ADARB2: variants seen among roughly 807,000 people sequenced by gnomAD.
The protein encoded by ADARB2 is inactive double-stranded RNA-specific editase B2.
In ADARB2, 25 loss-of-function variants were observed where a neutral mutation model predicts 62.2. The ratio of observed to expected loss-of-function variants is 0.40; its 90% CI spans 0.29 to 0.56. ADARB2 has a LOEUF of 0.56. ADARB2 is among the 20% of genes least tolerant of loss of function. ADARB2 has a pLI of 0.43. For synonymous variants in ADARB2, 572 were observed against 500.8 expected (o/e 1.14, Z -1.90); for missense variants, 1,071 against 1,077.4 (o/e 0.99, Z 0.08).
intron 3 of ADARB2, among the ~76,000 whole-genome samples, chr10:1,331,364 A>G (rs955281065): frequency 6.6e-6 from 1 of 152,270 alleles, no homozygotes; most frequent in African/African-American, 2.4e-5. Context: ...TGTTGGATGG[A>G]TCAGCTGACA....
chr10:1,195,668 A>G (rs1183599263), intron 8 of ADARB2, among the ~76,000 whole-genome samples: 1 of 152,110 alleles, frequency 6.6e-6, no homozygotes, highest in Non-Finnish European at 1.5e-5. Flanking sequence ...TTCTGAATCC[A>G]TGGAGAGGCT....
chr10:1,453,327 G>A (rs1309195838), intron 1 of ADARB2, among the ~76,000 whole-genome samples: 1 of 152,124 alleles, frequency 6.6e-6, no homozygotes, highest in Non-Finnish European at 1.5e-5. Context: ...TGTCACATCC[G>A]AGAAATTCAT....
chr10:1,556,002 C>T (rs900605196), intron 1 of ADARB2, among the ~76,000 whole-genome samples: 6 of 152,150 alleles, frequency 3.9e-5, no homozygotes, highest in Non-Finnish European at 8.8e-5. Flanking sequence ...AATGGGGAAA[C>T]ATTTGAACAT....
chr10:1,422,119 C>T (rs1365605474), intron 1 of ADARB2, among the ~76,000 whole-genome samples: 1 of 152,210 alleles, frequency 6.6e-6, no homozygotes, highest in Non-Finnish European at 1.5e-5. Flanking sequence ...ACAGACTTGG[C>T]TCTTAACTTC....
At chr10:1,731,847 T>C (rs1835237303) in intron 1 of ADARB2, among the ~76,000 whole-genome samples, 1 of 152,188 alleles carries the variant, frequency 6.6e-6, no homozygotes, top group Non-Finnish European at 1.5e-5. Flanking sequence ...AGGCTTTTCA[T>C]AGTTCACTTG....
At chr10:1,373,741 A>G (rs1204119349) in intron 2 of ADARB2, among the ~76,000 whole-genome samples, 41 of 151,818 alleles carry the variant, frequency 2.7e-4, no homozygotes, top group Non-Finnish European at 4.4e-5. Flanking sequence ...TCCCTGGAAA[A>G]TTCCTGATGT....
At chr10:1,563,004 C>T (rs982945314) in intron 1 of ADARB2, among the ~76,000 whole-genome samples, 3 of 152,188 alleles carry the variant, frequency 2.0e-5, no homozygotes, top group African/African-American at 7.2e-5. Context: ...CCCTGTGGCA[C>T]TGTCTGTGGT....
intron 3 of ADARB2, among the ~76,000 whole-genome samples, chr10:1,293,529 T>A (rs1162322825): frequency 6.6e-6 from 1 of 152,246 alleles, no homozygotes; most frequent in Non-Finnish European, 1.5e-5. Flanking sequence ...TTTTGCATTT[T>A]CAGGGCATTC....
chr10:1,677,394 T>C (rs1834479305), intron 1 of ADARB2, among the ~76,000 whole-genome samples: 1 of 152,182 alleles, frequency 6.6e-6, no homozygotes, highest in South Asian at 2.1e-4. Context: ...ATGCTGGTAC[T>C]GGGTGGGGCT....
chr10:1,483,184 C>T (rs746022954), intron 1 of ADARB2, among the ~76,000 whole-genome samples: 15 of 151,972 alleles, frequency 9.9e-5, no homozygotes, highest in Admixed American at 6.6e-5. Flanking sequence ...CTAAAAGTCC[C>T]GTAAGATTTA....
rs571854184 is a variant in ADARB2, at chr10:1,542,864, G to A, written c.101-163704C>T. ...ACAGCCGCCCAGACCCCACTCAGAT[G>A]TAGTTCAGACCCTGGATCACAGCCG... On this transcript the variant is annotated intron_variant, in intron 1 of 9. Coordinates refer to ENST00000381312, the MANE Select transcript of ADARB2 (RefSeq NM_018702.4). Among the ~76,000 whole-genome samples, 172 of 133,484 alleles carry A rather than the reference G, an allele frequency of 1.3e-3. 3 individuals are homozygous for A. The highest frequency in any genetic ancestry group is 1.9e-3 in the Non-Finnish European group (120 of 62,014). 87.6% of individuals were successfully genotyped at this position (133,484 alleles called of 152,430 possible). A position where few individuals can be genotyped will look rare whatever the true frequency, so the allele number is the denominator to read the frequency against.
chr10:1,510,110 C>CTCTTTTTCTTTCTTTCTT (rs1831908783), intron 1 of ADARB2, among the ~76,000 whole-genome samples: 1 of 106,184 alleles, frequency 9.4e-6, no homozygotes, highest in Admixed American at 1.1e-4. Context: ...CTTTCTTTCT[C>CTCTTTTTCTTTCTTTCTT]TCTTTCTTTC....
intron 3 of ADARB2, among the ~76,000 whole-genome samples, chr10:1,287,682 GTC>G (rs1831426246): frequency 6.6e-6 from 1 of 152,184 alleles, no homozygotes; most frequent in Non-Finnish European, 1.5e-5. Flanking sequence ...GAAATCATCA[GTC>G]TATTTTTGGT....
intron 2 of ADARB2, among the ~76,000 whole-genome samples, chr10:1,373,578 G>T (rs910310308): frequency 6.6e-6 from 1 of 152,268 alleles, no homozygotes. Flanking sequence ...ACTTTGTGTG[G>T]ATGTGTGTGT....
intron 4 of ADARB2, among the ~76,000 whole-genome samples, chr10:1,243,483 C>T (rs541974312): frequency 1.2e-4 from 18 of 149,212 alleles, no homozygotes; most frequent in South Asian, 1.2e-3. Flanking sequence ...TGGTCATGAG[C>T]GCTTCTCGCT....
chr10:1,554,156 G>T (rs1832668831), intron 1 of ADARB2, among the ~76,000 whole-genome samples: 1 of 152,188 alleles, frequency 6.6e-6, no homozygotes, highest in East Asian at 1.9e-4. Context: ...CTGCAGGGCA[G>T]GCCCTGGTTC....
intron 7 of ADARB2, among the ~76,000 whole-genome samples, chr10:1,212,352 G>A (rs1276087943): frequency 6.6e-6 from 1 of 152,186 alleles, no homozygotes; most frequent in Non-Finnish European, 1.5e-5. Flanking sequence ...CGGCAAGTGC[G>A]GCGCAATTCT....
intron 3 of ADARB2, among the ~76,000 whole-genome samples, chr10:1,314,020 G>A (rs1316647800): frequency 6.6e-6 from 1 of 152,222 alleles, no homozygotes; most frequent in Non-Finnish European, 1.5e-5. Flanking sequence ...AGGAAGGAGA[G>A]GCAGTTGTGG....
intron 1 of ADARB2, among the ~76,000 whole-genome samples, chr10:1,438,068 G>T (rs1360577845): frequency 6.6e-6 from 1 of 152,224 alleles, no homozygotes; most frequent in East Asian, 1.9e-4. Context: ...CTGAAGCAGG[G>T]TGGGCAGACA....
Sources: allele counts gnomAD v4.1 joint callset (sites outside exome capture counted in the v4.1 genomes callset), GRCh38; gene constraint gnomAD v4.1.1; transcripts MANE v1.5; gene names NCBI Gene and HGNC (gene_info 2026-07-23, HGNC 2026-07-21).